Variants in PUM2 observed in about 807,000 individuals in gnomAD.
PUM2 encodes the protein pumilio homolog 2.
Under a neutral mutation model 124.5 loss-of-function variants are expected in PUM2, and 57 were observed. The ratio of observed to expected loss-of-function variants is 0.46; its 90% CI spans 0.37 to 0.57. PUM2 has a LOEUF of 0.57. Among genes scored for constraint, PUM2 ranks in the 20% least tolerant of loss-of-function variants. PUM2 has a pLI of 0.00. For synonymous variants in PUM2, 460 were observed against 446.1 expected (o/e 1.03, Z -0.39); for missense variants, 1,065 against 1,290.6 (o/e 0.83, Z 2.68).
upstream of PUM2, among the ~76,000 whole-genome samples, chr2:20,351,211 C>G (rs1284378401): frequency 1.3e-5 from 2 of 152,242 alleles, no homozygotes; most frequent in Admixed American, 1.3e-4. Context: ...TTTCCCCCAA[C>G]TGGGTGTGCG....
chr2:20,282,187 C>T (rs1023534047), intron 12 of PUM2, among the ~76,000 whole-genome samples: 3 of 152,132 alleles, frequency 2.0e-5, no homozygotes, highest in Non-Finnish European at 4.4e-5. Context: ...CAGAAAACAC[C>T]AAGTGTATCA....
intron 15 of PUM2, 106 bp from the exon 16 acceptor site, chr2:20,258,477 G>C (rs1180778037): frequency 8.2e-6 from 9 of 1,094,094 alleles, no homozygotes; most frequent in South Asian, 2.0e-5. Context: ...TAACTATGTA[G>C]GGCAGGGGCT....
chr2:20,260,747 G>C (rs1213726759), intron 14 of PUM2, among the ~76,000 whole-genome samples: 5 of 152,144 alleles, frequency 3.3e-5, no homozygotes, highest in African/African-American at 1.2e-4. Context: ...AAATTTTGCT[G>C]CTTATTCATT....
intron 2 of PUM2, among the ~76,000 whole-genome samples, chr2:20,320,646 T>C (rs1176463380): frequency 1.3e-5 from 2 of 152,132 alleles, no homozygotes; most frequent in Non-Finnish European, 2.9e-5. Flanking sequence ...TGTAAATGAC[T>C]GGTATTTATA....
chr2:20,253,987 A>C lies in PUM2; in HGVS notation c.2898T>G (p.His966Gln), dbSNP rs773100206. ...GTAAAGCTCTCTCAGCACGGGAGGC[A>C]TGAGTAACACACTTTTCTACTACAT... ...ASNVVEKCVT[H>Q]ASRAERALLI... The change falls in exon 20 of 21, where the codon CAT becomes CAG. Residue 966 changes from histidine to glutamine, a missense_variant. Around this residue, in one of 3 missense-constraint regions of PUM2, gnomAD observed 968 missense variants for 1,159.8 expected, o/e 0.83. Coordinates refer to ENST00000361078, the MANE Select transcript of PUM2 (RefSeq NM_015317.5). 1 of 1,613,432 alleles carries C rather than the reference A, an allele frequency of 6.2e-7. No homozygotes were observed. Among genetic ancestry groups the C allele is most frequent in the Non-Finnish European group, 8.5e-7 (1 of 1,179,798 alleles).
intron 1 of PUM2, among the ~76,000 whole-genome samples, chr2:20,334,785 ACTT>A (rs1486584031): frequency 6.6e-6 from 1 of 152,214 alleles, no homozygotes; most frequent in Admixed American, 6.5e-5. Context: ...CACAGGCACT[ACTT>A]CTCCAAGTCT....
intron 10 of PUM2, among the ~76,000 whole-genome samples, chr2:20,285,391 G>C (rs1274918972): frequency 2.6e-5 from 4 of 152,168 alleles, no homozygotes; most frequent in Non-Finnish European, 5.9e-5. Context: ...ACCTTCCAAA[G>C]GGTTTGAAAT....
In PUM2 at chr2:20,339,753, G is replaced by A. The variant is rs1044940049; in HGVS notation, c.-19+10844C>T. 2.6e-5 allele frequency among the ~76,000 whole-genome samples: 4 copies of A among 152,232 alleles called. No homozygotes were observed. The South Asian group carries it at 6.2e-4, about 24-fold the overall frequency. ...AACTTAGCCAACTGTGGGGGCACAC[G>A]CCTGTAATCCCATCCTCTTGGGAGG... is the stretch of plus-strand genomic sequence containing the variant. On this transcript the variant is annotated intron_variant, in intron 1 of 20. Transcript: ENST00000361078.
chr2:20,304,888 A>G (rs1393856124), intron 7 of PUM2, among the ~76,000 whole-genome samples: 2 of 152,244 alleles, frequency 1.3e-5, no homozygotes, highest in Non-Finnish European at 2.9e-5. Flanking sequence ...ATTTTTAAAA[A>G]TGTGATTACT....
At chr2:20,326,139 C>T (rs777548559) in intron 2 of PUM2, 87 of 877,242 alleles carry the variant, frequency 9.9e-5, no homozygotes, top group Middle Eastern at 4.8e-4. Flanking sequence ...AGTGAAGCTA[C>T]AGATTTTGTT....
intron 3 of PUM2, among the ~76,000 whole-genome samples, chr2:20,312,760 A>G (rs1291096194): frequency 6.6e-6 from 1 of 152,210 alleles, no homozygotes; most frequent in Non-Finnish European, 1.5e-5. Flanking sequence ...CGCATAGCCA[A>G]GACAATCCTA....
Position 20,283,382 on chromosome 2 carries a change from G to A in PUM2, c.1396C>T (p.Pro466Ser). The change falls in exon 11 of 21, where the codon CCA (proline) becomes TCA (serine). Residue 466 changes from proline to serine, a missense_variant. Pro to Ser is a moderately conservative substitution (Grantham distance 74). Transcript: ENST00000361078. Reference sequence around the variant, plus strand: ...GCTGAACTAATTAAAACAGGTGTTGGAGCCATTAACCGAACTGGAGCTCCA... The same window carrying A: ...GCTGAACTAATTAAAACAGGTGTTGAAGCCATTAACCGAACTGGAGCTCCA... ...GLGAPVRLMAPTPVLISSAAA... is the reference protein window; with the variant it reads ...GLGAPVRLMASTPVLISSAAA... The A allele has an allele frequency of 6.2e-7, 1 of 1,614,036 alleles. No individual in the cohort carries two copies. Among genetic ancestry groups the A allele is most frequent in the African/African-American group, 1.3e-5 (1 of 75,014 alleles).
chr2:20,263,544 A>G (rs1276027006), intron 13 of PUM2, 84 bp from the exon 14 acceptor site: 22 of 1,422,754 alleles, frequency 1.5e-5, no homozygotes, highest in Non-Finnish European at 1.9e-5. Flanking sequence ...AAATTCAGTC[A>G]ATAAAGAAAT....
rs1558581668 is a variant in PUM2 at position 20,297,602 on chromosome 2, C to T, written c.960G>A (p.Gly320=). 5 of 1,613,182 alleles carry T rather than the reference C, an allele frequency of 3.1e-6. No individual in the cohort carries two copies. Among genetic ancestry groups the T allele is most frequent in the Non-Finnish European group, 4.2e-6 (5 of 1,179,344 alleles). The change falls in exon 8 of 21, where the codon GGG becomes GGA. Residue 320 remains glycine, a synonymous_variant. Coordinates refer to ENST00000361078, the MANE Select transcript of PUM2 (RefSeq NM_015317.5). ...NPYIISAAPP[G]TDPYTAAGLA... The stretch of plus-strand genomic sequence containing the variant: ...ATCCTGCTGCAGTATACGGATCGGT[C>T]CCTGGAGGAGCAGCACTAATAATGT...
intron 1 of PUM2, among the ~76,000 whole-genome samples, chr2:20,329,677 G>A (rs926963491): frequency 6.6e-6 from 1 of 152,052 alleles, no homozygotes; most frequent in African/African-American, 2.4e-5. Context: ...ACTGCTACTA[G>A]GTAAAACGGG....
At chr2:20,261,253 C>T (rs754335232) in intron 14 of PUM2, among the ~76,000 whole-genome samples, 6 of 151,198 alleles carry the variant, frequency 4.0e-5, no homozygotes, top group African/African-American at 7.3e-5. Context: ...TAGTTGGGCA[C>T]GGTGGCAGAC....
At chr2:20,339,426 A>G (rs186226508) in intron 1 of PUM2, among the ~76,000 whole-genome samples, 280 of 152,318 alleles carry the variant, frequency 1.8e-3, no homozygotes, top group Non-Finnish European at 3.0e-3. Flanking sequence ...CTTGTTTGTA[A>G]GTTTCCAACC....
chr2:20,333,752 T>C (rs190282241), intron 1 of PUM2, among the ~76,000 whole-genome samples: 4 of 152,144 alleles, frequency 2.6e-5, no homozygotes, highest in African/African-American at 9.6e-5. Context: ...GAGATATGGT[T>C]TGGATCTGTG....
chr2:20,320,052 G>C (rs1681932362), intron 2 of PUM2, among the ~76,000 whole-genome samples: 2 of 152,142 alleles, frequency 1.3e-5, no homozygotes, highest in African/African-American at 4.8e-5. Context: ...TGGATCACGA[G>C]GTCAGGAGTT....
Sources: gnomAD v4.1 joint callset for allele counts (sites outside exome capture counted in the v4.1 genomes callset) on GRCh38, gnomAD v4.1.1 for gene constraint, gnomAD v4.1.1 regional missense constraint, MANE v1.5 for transcripts, NCBI Gene and HGNC (gene_info 2026-07-23, HGNC 2026-07-21) for gene names.